MOK: variants seen among roughly 807,000 people sequenced by gnomAD.
MOK encodes the protein MAPK/MAK/MRK overlapping kinase.
In MOK, 59 loss-of-function variants were observed where a neutral mutation model predicts 54.2. The ratio of observed to expected loss-of-function variants is 1.09; its 90% CI spans 0.88 to 1.35. The LOEUF is 1.35. MOK is among the 40% of genes most tolerant of loss of function. MOK has a pLI of 0.00. For missense variants in MOK, 517 were observed against 526.2 expected (o/e 0.98, Z 0.17); for synonymous variants, 210 against 202.7 (o/e 1.04, Z -0.31).
chr14:102,241,405 C>T (rs140050142), intron 7 of MOK, among the ~76,000 whole-genome samples: 20 of 152,348 alleles, frequency 1.3e-4, no homozygotes, highest in Non-Finnish European at 1.9e-4. Flanking sequence ...CTAGCCCTCC[C>T]GCACCTGCTC....
chr14:102,296,300 G>A (rs28591992), intron 1 of MOK, among the ~76,000 whole-genome samples: 43,246 of 148,926 alleles, frequency 0.29, 8,466 homozygotes, highest in African/African-American at 0.57. Flanking sequence ...CTATGTTCAA[G>A]CATCTTCATA....
At chr14:102,272,991 T>G (rs1028215769) in intron 2 of MOK, among the ~76,000 whole-genome samples, 1 of 151,814 alleles carries the variant, frequency 6.6e-6, no homozygotes, top group Non-Finnish European at 1.5e-5. Flanking sequence ...CCAATACGGT[T>G]AAACCCTGTC....
At chr14:102,224,672 C>T (rs1422227761), downstream of MOK, 1 of 456,038 alleles carries the variant, frequency 2.2e-6, no homozygotes, top group South Asian at 1.5e-5. Context: ...CACATCAGCT[C>T]AGCCCTCGGT....
downstream of MOK, chr14:102,226,259 G>T (rs752511102): frequency 1.5e-6 from 1 of 685,146 alleles, no homozygotes. This position sits in a 1 kb window ranked among gnomAD's most constrained non-coding sequence, Gnocchi z 4.8. Context: ...AGGTCAGGAG[G>T]GTGAGGTGGG....
chr14:102,301,101 A>G (rs2072143036), intron 1 of MOK, among the ~76,000 whole-genome samples: 1 of 152,112 alleles, frequency 6.6e-6, no homozygotes, highest in East Asian at 1.9e-4. Context: ...TCCATCTCAA[A>G]ATAAAAAACA....
chr14:102,253,996 T>C (rs1178814488), intron 4 of MOK, among the ~76,000 whole-genome samples: 1 of 152,138 alleles, frequency 6.6e-6, no homozygotes, highest in African/African-American at 2.4e-5. Flanking sequence ...TTTTTCTTTT[T>C]TTTTTTGGGA....
At chr14:102,226,091 G>A (rs1162130605), downstream of MOK, 8 of 557,416 alleles carry the variant, frequency 1.4e-5, no homozygotes, top group Admixed American at 3.4e-5. This position sits in a 1 kb window ranked among gnomAD's most constrained non-coding sequence, Gnocchi z 4.8. Flanking sequence ...GGTCACGGTC[G>A]CACTGCTGCC....
chr14:102,299,772 CAG>C (rs2071948097), intron 1 of MOK, among the ~76,000 whole-genome samples: 1 of 152,064 alleles, frequency 6.6e-6, no homozygotes, highest in Non-Finnish European at 1.5e-5. Flanking sequence ...TTAGTAGAGA[CAG>C]AGTCTCGTCA....
rs187826449 is a variant in MOK at position 102,254,081 on chromosome 14, T to C, written c.284-2086A>G. ...CCCACTGCAACCTCCACCTCCCAGG[T>C]TCAAGCAATTCTCCTGCCTCAGCCT... On this transcript the variant is annotated intron_variant, in intron 4 of 11. Transcript: ENST00000361847. 1.1e-4 allele frequency among the ~76,000 whole-genome samples: 17 copies of C among 151,998 alleles called. No individual in the cohort carries two copies. In the East Asian group the frequency reaches 3.3e-3, roughly 29 times the overall value.
downstream of MOK, chr14:102,226,403 T>C (rs573428552): frequency 5.1e-5 from 36 of 703,074 alleles, no homozygotes; most frequent in East Asian, 9.7e-4. This position sits in a 1 kb window ranked among gnomAD's most constrained non-coding sequence, Gnocchi z 4.8. Context: ...GCTTCCGTTC[T>C]GGGTTCTGTG....
chr14:102,267,969 A>AG (rs199853715), intron 2 of MOK, among the ~76,000 whole-genome samples: 37 of 151,950 alleles, frequency 2.4e-4, no homozygotes, highest in African/African-American at 3.1e-4. Flanking sequence ...AAAAAAAAAA[A>AG]TTCCAGGCCA....
chr14:102,237,504 AT>A (rs1234008911), intron 7 of MOK, among the ~76,000 whole-genome samples: 4 of 152,118 alleles, frequency 2.6e-5, no homozygotes, highest in Non-Finnish European at 4.4e-5. Flanking sequence ...TTTTTAGAAT[AT>A]GGATTCCCAA....
intron 4 of MOK, among the ~76,000 whole-genome samples, chr14:102,255,674 G>C (rs1282436747): frequency 6.6e-6 from 1 of 152,196 alleles, no homozygotes; most frequent in Non-Finnish European, 1.5e-5. Flanking sequence ...AGCTTCTCCA[G>C]AACAAACTTT....
rs371312402 is a variant in MOK at position 102,265,858 on chromosome 14, C to T, written c.177G>A (p.Pro59=). The part of the protein sequence containing the change: ...REIQALRRLN[P]HPNILMLHEV... ...CATGCAACATAAGAATGTTTGGGTG[C>T]GGATTCAGGCGCCTCAGTGCTTGGA... is the stretch of plus-strand genomic sequence containing the variant. Residue 59 remains proline, a synonymous_variant, in exon 3 of 12, where the codon CCG becomes CCA. Coordinates refer to ENST00000361847, the MANE Select transcript of MOK (RefSeq NM_014226.3). 1.7e-5 allele frequency: 27 copies of T among 1,613,770 alleles called. No homozygotes were observed. Among genetic ancestry groups the T allele is most frequent in the Middle Eastern group, 1.6e-4 (1 of 6,084 alleles).
intron 1 of MOK, among the ~76,000 whole-genome samples, chr14:102,284,437 G>A (rs1036121557): frequency 2.0e-5 from 3 of 151,862 alleles, no homozygotes; most frequent in Admixed American, 1.3e-4. Context: ...GATGGAGTAC[G>A]CTAATTACTA....
intron 7 of MOK, among the ~76,000 whole-genome samples, chr14:102,247,236 G>A (rs149211824): frequency 0.013 from 2,055 of 152,328 alleles, 26 homozygotes; most frequent in Middle Eastern, 0.068. Flanking sequence ...CAGAGCAGCA[G>A]CTCTAGCTGG....
chr14:102,299,513 C>CA (rs56688594), intron 1 of MOK, among the ~76,000 whole-genome samples: 11,173 of 142,364 alleles, frequency 0.078, 720 homozygotes, highest in African/African-American at 0.19. Context: ...AGACTACCTA[C>CA]AAAAAAAAAA....
chr14:102,292,893 T>G (rs1474292155), intron 1 of MOK, among the ~76,000 whole-genome samples: 2 of 151,742 alleles, frequency 1.3e-5, no homozygotes, highest in African/African-American at 2.4e-5. Context: ...CAGCACTTTG[T>G]GAGGCTGAGG....
At position 102,245,514 on chromosome 14, in the gene MOK, T is replaced by G. The variant is rs936459495; in HGVS notation, c.590+5298A>C. Among the ~76,000 whole-genome samples the G allele has an allele frequency of 2.6e-5, 4 of 152,130 alleles. No homozygotes were observed. The highest frequency in any genetic ancestry group is 9.7e-5 in the African/African-American group (4 of 41,422). On this transcript the variant is annotated intron_variant, in intron 7 of 11. Transcript: ENST00000361847. This position sits in a 1 kb window ranked among gnomAD's most constrained non-coding sequence, Gnocchi z 4.3. The stretch of plus-strand genomic sequence containing the variant: ...GTCCCTGCCTTAACTGATATTTCCT[T>G]GTGAAATTCCTTTTCTCAGAAGCTC...
Sources: gnomAD v4.1 joint callset for allele counts (sites outside exome capture counted in the v4.1 genomes callset) on GRCh38, gnomAD v4.1.1 for gene constraint, Gnocchi (gnomAD v3.1) non-coding constraint, MANE v1.5 for transcripts, NCBI Gene and HGNC (gene_info 2026-07-23, HGNC 2026-07-21) for gene names.